ATAT1: variants seen among roughly 807,000 people sequenced by gnomAD.
ATAT1 encodes the protein alpha-tubulin N-acetyltransferase 1.
A neutral mutation model predicts 57.2 loss-of-function variants in ATAT1; 42 were observed. The observed-to-expected ratio is 0.73, with a 90% CI of 0.57 to 0.95. The LOEUF (loss-of-function observed/expected upper bound fraction) is 0.95. ATAT1 is among the 40% of genes least tolerant of loss of function. ATAT1 has a pLI of 0.00. For missense variants in ATAT1, 454 were observed against 523.7 expected (o/e 0.87, Z 1.30); for synonymous variants, 168 against 187.1 (o/e 0.90, Z 0.83).
intron 10 of ATAT1, chr6:30,644,513 G>C (rs1766251922): frequency 2.0e-6 from 2 of 985,840 alleles, no homozygotes; most frequent in Non-Finnish European, 2.4e-6. Context: ...ATGTGTGCTA[G>C]ATCAGGTGCC....
At position 30,642,833 on chromosome 6, in the gene ATAT1, G is replaced by GGGGGGGCCCCCCCCCCCCCCCCCCCCCC; in HGVS notation, c.754_755insGGGGGGCCCCCCCCCCCCCCCCCCCCCC (p.Ala252GlyfsTer57). 1.9e-5 allele frequency: 29 copies of GGGGGGGCCCCCCCCCCCCCCCCCCCCCC among 1,537,544 alleles called. No homozygotes were observed. Among genetic ancestry groups the GGGGGGGCCCCCCCCCCCCCCCCCCCCCC allele is most frequent in the Admixed American group, 3.8e-5 (2 of 52,400 alleles). On this transcript the variant is annotated frameshift_variant, in exon 10 of 13. Coordinates refer to ENST00000330083, the MANE Select transcript of ATAT1 (RefSeq NM_001031722.4). LOFTEE classifies it high-confidence loss of function. ...GGCCCCTCGCCGCGCCACACCTCCA[G>GGGGGGGCCCCCCCCCCCCCCCCCCCCCC]CCCACCCACCCCCCCGCTCCAGCAG...
At chr6:30,641,587 A>G (rs1475293077) in intron 8 of ATAT1, among the ~76,000 whole-genome samples, 4 of 152,096 alleles carry the variant, frequency 2.6e-5, no homozygotes, top group African/African-American at 9.7e-5. Flanking sequence ...TGAACTTTGG[A>G]CATTACATCA....
At chr6:30,633,139 A>AG (rs1219927483) in intron 6 of ATAT1, among the ~76,000 whole-genome samples, 15 of 152,198 alleles carry the variant, frequency 9.9e-5, no homozygotes, top group African/African-American at 3.6e-4. Flanking sequence ...TATGTGGAGA[A>AG]AGAGGACTTT....
intron 6 of ATAT1, among the ~76,000 whole-genome samples, chr6:30,635,587 T>C (rs1763892828): frequency 7.6e-6 from 1 of 130,800 alleles, no homozygotes; most frequent in Non-Finnish European, 1.6e-5. Flanking sequence ...AAACTCCATC[T>C]CAAAAAAAAA....
At position 30,640,448 on chromosome 6, in the gene ATAT1, C is replaced by T. The variant is rs371925443; in HGVS notation, c.547+26C>T. 38 of 1,612,734 alleles carry T rather than the reference C, an allele frequency of 2.4e-5. No homozygotes were observed. In the African/African-American group the frequency reaches 2.5e-4, roughly 11 times the overall value. ...GTAAGTTTTTGCATTTTGTTGGTCA[C>T]GTAGTCGGGGTGAGGGAAAGGAAAG... On this transcript the variant is annotated intron_variant, in intron 7 of 12. Transcript: ENST00000330083.
At chr6:30,645,527 CTTATAG>C (rs1766538902) in intron 10 of ATAT1, among the ~76,000 whole-genome samples, 1 of 152,110 alleles carries the variant, frequency 6.6e-6, no homozygotes, top group Non-Finnish European at 1.5e-5. Context: ...TCTAAGGAAT[CTTATAG>C]TTAAGGTAAC....
intron 6 of ATAT1, among the ~76,000 whole-genome samples, chr6:30,632,584 A>G (rs1446296672): frequency 6.6e-6 from 1 of 151,882 alleles, no homozygotes; most frequent in Non-Finnish European, 1.5e-5. Flanking sequence ...AAAAAAGAAA[A>G]AGATCATTTT....
chr6:30,634,678 A>C (rs1488001780), intron 6 of ATAT1, among the ~76,000 whole-genome samples: 1 of 150,810 alleles, frequency 6.6e-6, no homozygotes, highest in Non-Finnish European at 1.5e-5. Flanking sequence ...AAAAAAAAAA[A>C]AAAAACCTTG....
Position 30,642,823 on chromosome 6 carries a change from C to T in ATAT1, c.744C>T (p.Ala248=). 6.2e-7 allele frequency: 1 copy of T among 1,609,528 alleles called. No homozygotes were observed. The highest frequency in any genetic ancestry group is 8.5e-7 in the Non-Finnish European group (1 of 1,178,656). Residue 248 remains alanine (A), a synonymous_variant, in exon 10 of 13, where the codon GCC becomes GCT. Coordinates refer to ENST00000330083, the MANE Select transcript of ATAT1 (RefSeq NM_001031722.4). Reference sequence around the variant, plus strand: ...CCCTAAACAGGGCCCCTCGCCGCGCCACACCTCCAGCCCACCCACCCCCCC... The same window carrying T: ...CCCTAAACAGGGCCCCTCGCCGCGCTACACCTCCAGCCCACCCACCCCCCC...
At chr6:30,641,990 T>C in intron 8 of ATAT1, 186 bp from the exon 9 acceptor site, 1 of 1,457,388 alleles carries the variant, frequency 6.9e-7, no homozygotes, top group Admixed American at 2.5e-5. Context: ...TCCTCAACAG[T>C]GTTCCACATT....
chr6:30,646,651 C>T lies in ATAT1; in HGVS notation c.*8C>T, dbSNP rs1452197668. 1.9e-6 allele frequency: 3 copies of T among 1,547,348 alleles called. No individual in the cohort carries two copies. The highest frequency in any genetic ancestry group is 2.7e-5 in the African/African-American group (2 of 73,040). On this transcript the variant is annotated 3_prime_UTR_variant, in exon 13 of 13. Transcript: ENST00000330083. The stretch of plus-strand genomic sequence containing the variant: ...AGCACCAGGCCTTGGTGACCGCAGC[C>T]CCGTCAAACATCTTCAAAGTATTAT...
At chr6:30,638,739 G>C (rs1764713499) in intron 6 of ATAT1, among the ~76,000 whole-genome samples, 1 of 152,132 alleles carries the variant, frequency 6.6e-6, no homozygotes, top group Admixed American at 6.6e-5. Flanking sequence ...TGAAAGTTGA[G>C]GCCCAGCCCT....
chr6:30,640,528 C>A lies in ATAT1; in HGVS notation c.548-7C>A, dbSNP rs776820538. ...ACTGAGGGGCCCCGCCGCTTCCTTC[C>A]TCACAGGGCCCCCTGCTCCCTCTCT... On this transcript the variant is annotated splice_region_variant and splice_polypyrimidine_tract_variant and intron_variant, in intron 7 of 12. Coordinates refer to ENST00000330083, the MANE Select transcript of ATAT1 (RefSeq NM_001031722.4). 1 of 1,612,998 alleles carries A rather than the reference C, an allele frequency of 6.2e-7. No homozygotes were observed. Among genetic ancestry groups the A allele is most frequent in the East Asian group, 2.2e-5 (1 of 44,876 alleles).
intron 5 of ATAT1, 78 bp downstream of exon 5, chr6:30,628,223 A>AC (rs1189320989): frequency 6.5e-7 from 1 of 1,528,908 alleles, no homozygotes; most frequent in Non-Finnish European, 9.0e-7. Flanking sequence ...CCTGCCTCCC[A>AC]CCCCCCATGT....
At position 30,636,044 on chromosome 6, in the gene ATAT1, G is replaced by A. The variant is rs539113526; in HGVS notation, c.502-4333G>A. Reference sequence around the variant, plus strand: ...ATGTCATTGAATGGGCGGCGGGGGCGTTGAGATTTGGTTGACAAGTTAGCC... The same window carrying A: ...ATGTCATTGAATGGGCGGCGGGGGCATTGAGATTTGGTTGACAAGTTAGCC... On this transcript the variant is annotated intron_variant, in intron 6 of 12. Coordinates refer to ENST00000330083, the MANE Select transcript of ATAT1 (RefSeq NM_001031722.4). Among the ~76,000 whole-genome samples the A allele has an allele frequency of 1.1e-4, 16 of 152,270 alleles. 1 individual carries two copies. In the East Asian group the frequency reaches 1.2e-3, roughly 11 times the overall value.
chr6:30,642,181 G>A lies in ATAT1; in HGVS notation c.622G>A (p.Ala208Thr). The A allele has an allele frequency of 6.2e-7, 1 of 1,614,114 alleles. No individual in the cohort carries two copies. The highest frequency in any genetic ancestry group is 1.3e-5 in the African/African-American group (1 of 75,020). Residue 208 changes from alanine (A) to threonine (T), a missense_variant, in exon 9 of 13, where the codon GCA becomes ACA. Physicochemically the swap from Ala to Thr is moderately conservative, Grantham distance 58 (BLOSUM62 0). This residue lies in a region of ATAT1 where 236 missense variants were observed against 284.5 expected (regional missense o/e 0.83). Transcript: ENST00000330083. The stretch of plus-strand genomic sequence containing the variant: ...TATGTCCCCTCCACTGCCAGCTCCA[G>A]CAAGGAAGCTGCCACCCAAGAGAGC...
chr6:30,642,833 G>GCCCTCCCC lies in ATAT1; in HGVS notation c.757_758insTCCCCCCC (p.His253LeufsTer69). 2 of 1,537,878 alleles carry GCCCTCCCC rather than the reference G, an allele frequency of 1.3e-6. No individual in the cohort carries two copies. The highest frequency in any genetic ancestry group is 1.2e-5 in the South Asian group (1 of 86,358). Reference sequence around the variant, plus strand: ...GGCCCCTCGCCGCGCCACACCTCCAGCCCACCCACCCCCCCGCTCCAGCAG... The same window carrying GCCCTCCCC: ...GGCCCCTCGCCGCGCCACACCTCCAGCCCTCCCCCCCACCCACCCCCCCGCTCCAGCAG... On this transcript the variant is annotated frameshift_variant, in exon 10 of 13. Coordinates refer to ENST00000330083, the MANE Select transcript of ATAT1 (RefSeq NM_001031722.4). LOFTEE classifies it high-confidence loss of function.
rs60447066 is a variant in ATAT1, at chr6:30,636,401, G to A, written c.502-3976G>A. 7.4e-3 allele frequency among the ~76,000 whole-genome samples: 1,131 copies of A among 152,018 alleles called. 14 individuals are homozygous for A. The highest frequency in any genetic ancestry group is 0.037 in the Middle Eastern group (11 of 294). On this transcript the variant is annotated intron_variant, in intron 6 of 12. Coordinates refer to ENST00000330083, the MANE Select transcript of ATAT1 (RefSeq NM_001031722.4). ...AGATCGAGACCATCCTGGCTAACAC[G>A]GTAAAACCCCGTCTCTACTAAAAAT...
chr6:30,640,542 T>C lies in ATAT1; in HGVS notation c.555T>C (p.Pro185=). The C allele has an allele frequency of 6.2e-7, 1 of 1,612,994 alleles. No individual in the cohort carries two copies. Among genetic ancestry groups the C allele is most frequent in the Non-Finnish European group, 8.5e-7 (1 of 1,180,010 alleles). ...CCGCTTCCTTCCTCACAGGGCCCCC[T>C]GCTCCCTCTCTGAGGGCAACTCGAC... The change falls in exon 8 of 13, where the codon CCT becomes CCC. Residue 185 remains proline, a synonymous_variant. Transcript: ENST00000330083.
Sources: allele counts gnomAD v4.1 joint callset (sites outside exome capture counted in the v4.1 genomes callset), GRCh38; gene constraint gnomAD v4.1.1; regional missense constraint gnomAD v4.1.1; transcripts MANE v1.5; gene names NCBI Gene and HGNC (gene_info 2026-07-23, HGNC 2026-07-21).